Variants in EXPH5 observed in about 807,000 individuals in gnomAD.
The protein encoded by EXPH5 is exophilin-5.
EXPH5 carries 42 observed loss-of-function variants against 41.1 expected under a neutral mutation model. That is an observed-to-expected ratio of 1.02 (90% confidence interval 0.80 to 1.32). The LOEUF (loss-of-function observed/expected upper bound fraction) is 1.32. Among genes scored for constraint, EXPH5 ranks in the 40% most tolerant of loss-of-function variants. The pLI is 0.00. For missense variants in EXPH5, 2,298 were observed against 2,314.5 expected (o/e 0.99, Z 0.15); for synonymous variants, 798 against 833.5 (o/e 0.96, Z 0.73).
intron 1 of EXPH5, among the ~76,000 whole-genome samples, chr11:108,578,914 G>C (rs1328282818): frequency 6.6e-6 from 1 of 152,102 alleles, no homozygotes; most frequent in Non-Finnish European, 1.5e-5. Context: ...GAGTCTTTAG[G>C]ATTTTTGTTT....
chr11:108,526,092 T>A (rs186002551), intron 4 of EXPH5, among the ~76,000 whole-genome samples: 3,600 of 147,232 alleles, frequency 0.024, 126 homozygotes, highest in African/African-American at 0.081. Context: ...TTAAAAAAAA[T>A]TTTTTTTTTT....
At chr11:108,539,775 G>C (rs1263335392) in intron 2 of EXPH5, among the ~76,000 whole-genome samples, 1 of 151,740 alleles carries the variant, frequency 6.6e-6, no homozygotes, top group Non-Finnish European at 1.5e-5. Context: ...AAAAAAATTT[G>C]AGCACCAACA....
At position 108,528,145 on chromosome 11, in the gene EXPH5, T is replaced by TC; in HGVS notation, c.482dup (p.Ala162SerfsTer18). On this transcript the variant is annotated frameshift_variant, in exon 4 of 6. Transcript: ENST00000265843. LOFTEE classifies it high-confidence loss of function. ...TTATCTGGTTACTTACCACAGCAGC[T>TC]CCCCTCACAGGCATAGGAGGTCCTG... is the stretch of plus-strand genomic sequence containing the variant. 6.2e-7 allele frequency: 1 copy of TC among 1,608,250 alleles called. No individual in the cohort carries two copies. Among genetic ancestry groups the TC allele is most frequent in the Non-Finnish European group, 8.5e-7 (1 of 1,174,906 alleles).
At chr11:108,545,426 G>C (rs1304784266) in intron 1 of EXPH5, among the ~76,000 whole-genome samples, 1 of 152,178 alleles carries the variant, frequency 6.6e-6, no homozygotes, top group Non-Finnish European at 1.5e-5. Flanking sequence ...AGAGATTACA[G>C]TCTAGTGGGA....
At position 108,513,387 on chromosome 11, in the gene EXPH5, A is replaced by G; in HGVS notation, c.2120T>C (p.Ile707Thr). The G allele has an allele frequency of 1.2e-6, 2 of 1,613,968 alleles. No individual in the cohort carries two copies. The highest frequency in any genetic ancestry group is 2.2e-5 in the South Asian group (2 of 90,992). Residue 707 changes from isoleucine to threonine, a missense_variant, in exon 6 of 6, where the codon ATT becomes ACT. Ile to Thr is a moderately conservative substitution (Grantham distance 89). Coordinates refer to ENST00000265843, the MANE Select transcript of EXPH5 (RefSeq NM_015065.3). ...GCTTAGCTGTTTGTCTTCTTCTGAAATAGATTCATTTAAGTCTTTCTCATT... is the reference window on the plus strand; with the variant it reads ...GCTTAGCTGTTTGTCTTCTTCTGAAGTAGATTCATTTAAGTCTTTCTCATT... ...VNNEKDLNES[I>T]SEEDKQLSKM...
intron 2 of EXPH5, among the ~76,000 whole-genome samples, chr11:108,540,243 A>G (rs2640787): frequency 0.17 from 26,415 of 152,170 alleles, 3,392 homozygotes; most frequent in East Asian, 0.61. Flanking sequence ...GAATTGCTTG[A>G]ACCCGGGAGG....
Position 108,509,511 on chromosome 11 carries a change from A to C in EXPH5, c.*26T>G, listed in dbSNP as rs2135895819. On this transcript the variant is annotated 3_prime_UTR_variant, in exon 6 of 6. Transcript: ENST00000265843. ...TTCCATTATAAGCTTTTGGTGAAAAAAGTAAAGCATTTTATTGAAAAAGCC... is the reference window on the plus strand; with the variant it reads ...TTCCATTATAAGCTTTTGGTGAAAACAGTAAAGCATTTTATTGAAAAAGCC... 1 of 1,527,042 alleles carries C rather than the reference A, an allele frequency of 6.5e-7. No individual in the cohort carries two copies. Among genetic ancestry groups the C allele is most frequent in the South Asian group, 1.3e-5 (1 of 74,590 alleles). 94.6% of individuals were successfully genotyped at this position (1,527,042 alleles called of 1,614,324 possible).
intron 3 of EXPH5, among the ~76,000 whole-genome samples, chr11:108,532,366 A>ATATATATATATAT (rs1555192606): frequency 6.2e-5 from 2 of 32,142 alleles, no homozygotes; most frequent in Non-Finnish European, 9.3e-5. Flanking sequence ...ATATATATAT[A>ATATATATATATAT]TTTTTTTTTT....
At chr11:108,606,905 C>T in the EXPH5 span, among the ~76,000 whole-genome samples, 6 of 152,082 alleles carry the variant, frequency 3.9e-5, no homozygotes, top group African/African-American at 1.4e-4. Flanking sequence ...CCATTGAGAA[C>T]ATTTCTATTT....
At position 108,509,383 on chromosome 11, in the gene EXPH5, A is replaced by G; in HGVS notation, c.*154T>C. 1 of 596,926 alleles carries G rather than the reference A, an allele frequency of 1.7e-6. No homozygotes were observed. Among genetic ancestry groups the G allele is most frequent in the Non-Finnish European group, 2.8e-6 (1 of 355,964 alleles). The allele number at this position is 596,926 out of a possible 1,614,324, so 37.0% of individuals were successfully genotyped here. A position where few individuals can be genotyped will look rare whatever the true frequency, so the allele number is the denominator to read the frequency against. On this transcript the variant is annotated 3_prime_UTR_variant, in exon 6 of 6. Transcript: ENST00000265843. ...GTTCTAGCATTCAGGAAGTGTCTAT[A>G]TAGGGTGTGGAGGAAAAAAAAGGAG...
rs2093674936 is a variant in EXPH5 at position 108,510,852 on chromosome 11, C to T, written c.4655G>A (p.Ser1552Asn). 6.2e-7 allele frequency: 1 copy of T among 1,614,198 alleles called. No individual in the cohort carries two copies. Among genetic ancestry groups the T allele is most frequent in the Non-Finnish European group, 8.5e-7 (1 of 1,180,018 alleles). The change falls in exon 6 of 6, where the codon AGC becomes AAC. Residue 1552 changes from serine to asparagine, a missense_variant. Ser to Asn is a conservative substitution (Grantham distance 46). Transcript: ENST00000265843. ...CTGCATTTCATCTTCAGCCTTCCTG[C>T]TCTCTGTCATATTTGCCTCCTGACT... is the stretch of plus-strand genomic sequence containing the variant. Reference protein sequence around the residue: ...QRSQEANMTESRKAEDEMQKS... With the variant: ...QRSQEANMTENRKAEDEMQKS...
chr11:108,571,071 A>T (rs866048242), intron 1 of EXPH5, among the ~76,000 whole-genome samples: 2 of 152,214 alleles, frequency 1.3e-5, no homozygotes, highest in Admixed American at 1.3e-4. Context: ...CTAAGGAAGA[A>T]GCTGGAGCCT....
At chr11:108,596,549 A>G (rs1188849137), upstream of EXPH5, among the ~76,000 whole-genome samples, 1 of 152,206 alleles carries the variant, frequency 6.6e-6, no homozygotes, top group Non-Finnish European at 1.5e-5. Context: ...AGGTACCTGC[A>G]ATTCATCCAC....
intron 1 of EXPH5, among the ~76,000 whole-genome samples, chr11:108,591,921 G>A (rs1377012297): frequency 6.6e-6 from 1 of 152,156 alleles, no homozygotes; most frequent in Non-Finnish European, 1.5e-5. Context: ...AATATACAAT[G>A]GATCACTTAA....
At chr11:108,572,994 T>C (rs1275269964) in intron 1 of EXPH5, among the ~76,000 whole-genome samples, 1 of 151,036 alleles carries the variant, frequency 6.6e-6, no homozygotes, top group Non-Finnish European at 1.5e-5. Context: ...GGCAGGAGGA[T>C]TGCTTGAGCC....
At chr11:108,518,489 C>T in intron 4 of EXPH5, 116 bp from the exon 5 acceptor site, 2 of 869,654 alleles carry the variant, frequency 2.3e-6, no homozygotes, top group African/African-American at 1.7e-5. Context: ...ACTGCAAATC[C>T]ATTTTTCTAA....
rs559098707 is a variant in EXPH5, at chr11:108,564,022, G to A, written c.120-22210C>T. On this transcript the variant is annotated intron_variant, in intron 1 of 5. Coordinates refer to ENST00000265843, the MANE Select transcript of EXPH5 (RefSeq NM_015065.3). ...CGGCTGCACACGGTGGCTCATGCCT[G>A]TAATCCTAGAACTTTGGGAGGCTGA... Among the ~76,000 whole-genome samples the A allele has an allele frequency of 3.7e-3, 567 of 152,276 alleles. 1 individual carries two copies. Among genetic ancestry groups the A allele is most frequent in the Non-Finnish European group, 6.2e-3 (420 of 68,028 alleles).
chr11:108,593,100 A>G (rs1175771873), intron 1 of EXPH5, among the ~76,000 whole-genome samples: 3 of 152,152 alleles, frequency 2.0e-5, no homozygotes, highest in African/African-American at 7.2e-5. Context: ...ACGCCCCGCG[A>G]TGGCCCAGCA....
intron 1 of EXPH5, among the ~76,000 whole-genome samples, chr11:108,569,556 G>C (rs2094050816): frequency 6.6e-6 from 1 of 152,120 alleles, no homozygotes; most frequent in Non-Finnish European, 1.5e-5. Context: ...GGCCAGGCTG[G>C]TCTCGAACTC....
Sources: allele counts gnomAD v4.1 joint callset (sites outside exome capture counted in the v4.1 genomes callset), GRCh38; gene constraint gnomAD v4.1.1; transcripts MANE v1.5; gene names NCBI Gene and HGNC (gene_info 2026-07-23, HGNC 2026-07-21).